PTPRD: variants seen among roughly 807,000 people sequenced by gnomAD.
The protein encoded by PTPRD is receptor-type tyrosine-protein phosphatase delta.
In PTPRD, 34 loss-of-function variants were observed where a neutral mutation model predicts 214.5. The ratio of observed to expected loss-of-function variants is 0.16; its 90% CI spans 0.12 to 0.21. The LOEUF (loss-of-function observed/expected upper bound fraction) is 0.21. PTPRD is among the 10% of genes least tolerant of loss of function. PTPRD has a pLI of 1.00. For missense variants in PTPRD, 2,545 were observed against 2,398.7 expected, an observed-to-expected ratio of 1.06 and a Z score of -1.27; for synonymous variants, 1,128 against 845.7, an observed-to-expected ratio of 1.33 and a Z score of -5.79.
intron 8 of PTPRD, among the ~76,000 whole-genome samples, chr9:9,564,615 G>T (rs1373189860): frequency 6.6e-6 from 1 of 151,798 alleles, no homozygotes; most frequent in Non-Finnish European, 1.5e-5. Flanking sequence ...CAAACTTACT[G>T]AACCAAAATC....
intron 7 of PTPRD, among the ~76,000 whole-genome samples, chr9:9,647,630 C>G (rs1300468008): frequency 6.6e-6 from 1 of 152,162 alleles, no homozygotes; most frequent in East Asian, 1.9e-4. Flanking sequence ...TCAGGGGAAG[C>G]CTGTTTTCCC....
chr9:9,072,985 G>A (rs1211772252), intron 10 of PTPRD, among the ~76,000 whole-genome samples: 2 of 152,134 alleles, frequency 1.3e-5, no homozygotes, highest in Non-Finnish European at 2.9e-5. Flanking sequence ...AGAGATTTTC[G>A]ATTTGAGGAT....
At chr9:8,482,717 C>G (rs1355639490) in intron 30 of PTPRD, among the ~76,000 whole-genome samples, 2 of 152,212 alleles carry the variant, frequency 1.3e-5, no homozygotes, top group Non-Finnish European at 2.9e-5. Flanking sequence ...GTTTTCACTT[C>G]TGGGTATACC....
At chr9:8,756,866 C>T (rs1003264380) in intron 11 of PTPRD, among the ~76,000 whole-genome samples, 11 of 152,032 alleles carry the variant, frequency 7.2e-5, no homozygotes, top group South Asian at 6.2e-4. Context: ...CCAGGCCAGG[C>T]GCTGTGGCTC....
At chr9:8,898,264 T>TA (rs945607170) in intron 11 of PTPRD, among the ~76,000 whole-genome samples, 3 of 152,004 alleles carry the variant, frequency 2.0e-5, no homozygotes, top group Non-Finnish European at 1.5e-5. Flanking sequence ...ATGAACTTTT[T>TA]TTTTTCTTTT....
intron 35 of PTPRD, among the ~76,000 whole-genome samples, chr9:8,431,240 C>G (rs73422324): frequency 6.6e-6 from 1 of 151,762 alleles, no homozygotes; most frequent in Non-Finnish European, 1.5e-5. Flanking sequence ...GGGGCCTGTA[C>G]GTAAATGAAA....
At chr9:8,846,688 A>C (rs2097703575) in intron 11 of PTPRD, among the ~76,000 whole-genome samples, 1 of 152,208 alleles carries the variant, frequency 6.6e-6, no homozygotes, top group Non-Finnish European at 1.5e-5. Context: ...ACATCTGGGA[A>C]ACAGCAAATA....
At position 10,455,032 on chromosome 9, in the gene PTPRD, T is replaced by A. The variant is rs148976803; in HGVS notation, c.-599-114015A>T. On this transcript the variant is annotated intron_variant, in intron 2 of 45. Coordinates refer to ENST00000381196, the MANE Select transcript of PTPRD (RefSeq NM_002839.4). ...TATTTGACTTTTTAAGAATACTTTT[T>A]AAAAATGTCCTATTCCATACCATCT... is the stretch of plus-strand genomic sequence containing the variant. Among the ~76,000 whole-genome samples the A allele has an allele frequency of 4.9e-3, 737 of 151,876 alleles. 2 individuals are homozygous for A. Among genetic ancestry groups the A allele is most frequent in the African/African-American group, 0.016 (672 of 41,544 alleles).
At chr9:8,758,503 C>A (rs1446541196) in intron 11 of PTPRD, among the ~76,000 whole-genome samples, 1 of 152,032 alleles carries the variant, frequency 6.6e-6, no homozygotes, top group Non-Finnish European at 1.5e-5. Flanking sequence ...TCACCACATT[C>A]CAGAATAAAA....
chr9:10,594,949 A>T (rs2076281628), intron 2 of PTPRD, among the ~76,000 whole-genome samples: 1 of 151,988 alleles, frequency 6.6e-6, no homozygotes, highest in Non-Finnish European at 1.5e-5. Context: ...GTTGTCAAGG[A>T]TTTGTTGGGG....
At chr9:10,419,512 G>C (rs566171834) in intron 2 of PTPRD, among the ~76,000 whole-genome samples, 3 of 151,862 alleles carry the variant, frequency 2.0e-5, no homozygotes. Flanking sequence ...TCTAAATGCT[G>C]TCTAATTGCA....
At chr9:9,950,370 A>C (rs934515367) in intron 4 of PTPRD, among the ~76,000 whole-genome samples, 2 of 152,138 alleles carry the variant, frequency 1.3e-5, no homozygotes, top group East Asian at 3.9e-4. Flanking sequence ...CTGGTGGAGA[A>C]ATTTCTCACT....
intron 10 of PTPRD, among the ~76,000 whole-genome samples, chr9:9,093,715 G>A (rs950855208): frequency 6.6e-6 from 1 of 151,592 alleles, no homozygotes; most frequent in Non-Finnish European, 1.5e-5. Context: ...AAAATTTATA[G>A]CATTAACTGC....
chr9:9,369,808 C>G (rs1389391562), intron 9 of PTPRD, among the ~76,000 whole-genome samples: 4 of 152,242 alleles, frequency 2.6e-5, no homozygotes, highest in Non-Finnish European at 5.9e-5. Context: ...GGAAGGGATC[C>G]AGTTTCAGCT....
At chr9:8,568,078 T>C (rs559111418) in intron 14 of PTPRD, among the ~76,000 whole-genome samples, 36 of 152,298 alleles carry the variant, frequency 2.4e-4, no homozygotes, top group Non-Finnish European at 4.3e-4. Flanking sequence ...TCCATTATAA[T>C]AGAAAGAGAA....
intron 3 of PTPRD, among the ~76,000 whole-genome samples, chr9:10,268,859 A>T (rs141686715): frequency 6.6e-6 from 1 of 152,308 alleles, no homozygotes; most frequent in East Asian, 1.9e-4. Flanking sequence ...GGCTAAATAT[A>T]TTCGCCCATC....
chr9:8,543,471 G>A (rs1468947418), intron 14 of PTPRD, among the ~76,000 whole-genome samples: 1 of 152,098 alleles, frequency 6.6e-6, no homozygotes, highest in Non-Finnish European at 1.5e-5. Context: ...TAATGTATGT[G>A]CATTCACTAA....
chr9:10,191,617 T>C (rs575488135), intron 3 of PTPRD, among the ~76,000 whole-genome samples: 1 of 152,204 alleles, frequency 6.6e-6, no homozygotes, highest in East Asian at 1.9e-4. Flanking sequence ...CTATACTTTG[T>C]TTGTATTGCT....
In PTPRD at chr9:8,986,905, A is replaced by G. The variant is rs577917555; in HGVS notation, c.-104+31792T>C. Among the ~76,000 whole-genome samples, 365 of 152,130 alleles carry G rather than the reference A, an allele frequency of 2.4e-3. 3 individuals carry two copies. The highest frequency in any genetic ancestry group is 3.8e-3 in the Non-Finnish European group (261 of 67,976). Reference sequence around the variant, plus strand: ...TTTGAAAGTGATGTACTACTTTAACAATTGTCTGTCTCTGAGGACTAAGGA... The same window carrying G: ...TTTGAAAGTGATGTACTACTTTAACGATTGTCTGTCTCTGAGGACTAAGGA... On this transcript the variant is annotated intron_variant, in intron 11 of 45. Coordinates refer to ENST00000381196, the MANE Select transcript of PTPRD (RefSeq NM_002839.4).
Sources: gnomAD v4.1 joint callset for allele counts (sites outside exome capture counted in the v4.1 genomes callset) on GRCh38, gnomAD v4.1.1 for gene constraint, MANE v1.5 for transcripts, NCBI Gene and HGNC (gene_info 2026-07-23, HGNC 2026-07-21) for gene names.